Variants in FBXL17 observed in about 807,000 individuals in gnomAD.
FBXL17 encodes F-box and leucine rich repeat protein 17, also known as F-box/LRR-repeat protein 17.
In FBXL17, 22 loss-of-function variants were observed where a neutral mutation model predicts 66.2. The ratio of observed to expected loss-of-function variants is 0.33; its 90% confidence interval spans 0.24 to 0.47. The LOEUF is 0.47. Among genes scored for constraint, FBXL17 ranks in the 20% least tolerant of loss-of-function variants. The probability of loss-of-function intolerance (pLI) is 1.00; values close to 1 mark genes in which losing one functional copy is unlikely to be tolerated. For synonymous variants in FBXL17, 474 were observed against 400.5 expected, an observed-to-expected ratio of 1.18 and a Z score of -2.19; for missense variants, 878 against 948.2, an observed-to-expected ratio of 0.93 and a Z score of 0.97.
At chr5:108,059,391 G>A (rs542691238) in intron 6 of FBXL17, among the ~76,000 whole-genome samples, 15 of 152,102 alleles carry the variant, frequency 9.9e-5, no homozygotes, top group African/African-American at 3.6e-4. Flanking sequence ...GAGTCTACAG[G>A]GATTGAGAAC....
At chr5:108,104,961 C>T (rs1749737920) in intron 6 of FBXL17, among the ~76,000 whole-genome samples, 1 of 152,132 alleles carries the variant, frequency 6.6e-6, no homozygotes, top group African/African-American at 2.4e-5. Context: ...CCTGCCTCAG[C>T]CTCCTGAGTA....
At chr5:107,872,015 GA>G (rs889048355) in intron 8 of FBXL17, among the ~76,000 whole-genome samples, 5 of 151,940 alleles carry the variant, frequency 3.3e-5, no homozygotes, top group African/African-American at 9.7e-5. Flanking sequence ...CACACTTGAT[GA>G]AAAAAAATCT....
rs574470925 is a variant in FBXL17 at position 108,107,265 on chromosome 5, T to C, written c.1745+78852A>G. ...TTTTGTATTTTTAGTAGAGACAGAGTTTCTCCATGTTGGTCAGGCTGGTCT... is the reference window on the plus strand; with the variant it reads ...TTTTGTATTTTTAGTAGAGACAGAGCTTCTCCATGTTGGTCAGGCTGGTCT... On this transcript the variant is annotated intron_variant, in intron 6 of 8. Transcript: ENST00000542267. 4.6e-5 allele frequency among the ~76,000 whole-genome samples: 7 copies of C among 152,048 alleles called. No homozygotes were observed. In the East Asian group the frequency reaches 1.4e-3, roughly 30 times the overall value.
chr5:107,954,448 T>A (rs1751595854), intron 7 of FBXL17, among the ~76,000 whole-genome samples: 1 of 152,208 alleles, frequency 6.6e-6, no homozygotes, highest in Admixed American at 6.5e-5. Flanking sequence ...CCACAGTCAG[T>A]GGGCCTGTAG....
intron 5 of FBXL17, among the ~76,000 whole-genome samples, chr5:108,209,031 C>T (rs181351639): frequency 1.1e-3 from 162 of 152,190 alleles, no homozygotes; most frequent in African/African-American, 3.5e-3. Context: ...CTTCATATCC[C>T]TTGTAAGTTG....
intron 8 of FBXL17, among the ~76,000 whole-genome samples, chr5:107,874,496 C>A (rs903469000): frequency 1.3e-5 from 2 of 152,114 alleles, no homozygotes; most frequent in African/African-American, 4.8e-5. Flanking sequence ...CCCCATTTTT[C>A]AGTTGGTGAA....
intron 1 of FBXL17, among the ~76,000 whole-genome samples, chr5:108,368,915 TA>T (rs373667446): frequency 5.0e-4 from 71 of 142,910 alleles, no homozygotes; most frequent in Non-Finnish European, 5.2e-4. Context: ...TACAAGGATT[TA>T]AAAAAAAAAA....
intron 8 of FBXL17, chr5:107,879,304 G>A: frequency 1.0e-6 from 1 of 985,456 alleles, no homozygotes; most frequent in Non-Finnish European, 1.2e-6. Context: ...GCTGGAAGCT[G>A]AGGAGTTCTG....
chr5:108,248,020 A>T (rs1756181779), intron 4 of FBXL17, among the ~76,000 whole-genome samples: 1 of 152,196 alleles, frequency 6.6e-6, no homozygotes, highest in African/African-American at 2.4e-5. Flanking sequence ...GTTATCTGCT[A>T]ATGTAGCACC....
chr5:107,989,672 A>G (rs1753158761), intron 7 of FBXL17, among the ~76,000 whole-genome samples: 1 of 152,094 alleles, frequency 6.6e-6, no homozygotes, highest in Admixed American at 6.6e-5. Context: ...GGACTGCTGG[A>G]TCATATGGTA....
At chr5:108,100,479 T>C (rs544841621) in intron 6 of FBXL17, among the ~76,000 whole-genome samples, 16 of 152,334 alleles carry the variant, frequency 1.1e-4, no homozygotes, top group African/African-American at 3.4e-4. Flanking sequence ...GTTGTTATTA[T>C]GTAAGTATTT....
intron 8 of FBXL17, among the ~76,000 whole-genome samples, chr5:107,863,742 G>A (rs1450497759): frequency 2.0e-5 from 3 of 152,122 alleles, no homozygotes; most frequent in Admixed American, 1.3e-4. Context: ...CCAAGAATAA[G>A]GCAAAGCCAG....
At chr5:107,954,538 A>C (rs540326811) in intron 7 of FBXL17, among the ~76,000 whole-genome samples, 137 of 152,356 alleles carry the variant, frequency 9.0e-4, no homozygotes, top group African/African-American at 3.0e-3. Flanking sequence ...TAGTAGGCAA[A>C]GACAGCTGAT....
At chr5:108,302,128 T>C (rs1304731655) in intron 4 of FBXL17, 5 of 499,298 alleles carry the variant, frequency 1.0e-5, no homozygotes, top group African/African-American at 8.4e-5. Flanking sequence ...TTTCTGAAAA[T>C]ACATATGTCA....
At chr5:108,025,714 C>A (rs1251887250) in intron 6 of FBXL17, among the ~76,000 whole-genome samples, 14 of 122,442 alleles carry the variant, frequency 1.1e-4, no homozygotes, top group Non-Finnish European at 2.2e-4. Flanking sequence ...AACACACACA[C>A]ACACGCGCGC....
chr5:108,148,685 T>C (rs971570003), intron 6 of FBXL17, among the ~76,000 whole-genome samples: 4 of 152,274 alleles, frequency 2.6e-5, no homozygotes, highest in African/African-American at 7.2e-5. Context: ...CCTAAGAGTA[T>C]AGTGAGGAAG....
intron 7 of FBXL17, among the ~76,000 whole-genome samples, chr5:107,962,393 A>C (rs753871221): frequency 2.3e-4 from 35 of 152,190 alleles, no homozygotes; most frequent in Non-Finnish European, 4.1e-4. Flanking sequence ...AATTGCTACC[A>C]ATCATTGACC....
intron 4 of FBXL17, among the ~76,000 whole-genome samples, chr5:108,345,403 C>A (rs772052281): frequency 4.6e-5 from 7 of 151,504 alleles, no homozygotes; most frequent in Non-Finnish European, 7.4e-5. Context: ...CACCATAACT[C>A]ATTTATGGCA....
At chr5:107,931,711 A>T (rs1050927268) in intron 7 of FBXL17, among the ~76,000 whole-genome samples, 3 of 152,146 alleles carry the variant, frequency 2.0e-5, no homozygotes, top group Admixed American at 1.3e-4. Context: ...AGTTAAAGAC[A>T]CCTAAGGCAT....
Sources: gnomAD v4.1 joint callset for allele counts (sites outside exome capture counted in the v4.1 genomes callset) on GRCh38, gnomAD v4.1.1 for gene constraint, MANE v1.5 for transcripts, NCBI Gene and HGNC (gene_info 2026-07-23, HGNC 2026-07-21) for gene names.